PDE1C: variants seen among roughly 807,000 people sequenced by gnomAD.
The protein encoded by PDE1C is phosphodiesterase 1C, also known as dual specificity calcium/calmodulin-dependent 3',5'-cyclic nucleotide phosphodiesterase 1C.
In PDE1C, 62 loss-of-function variants were observed where a neutral mutation model predicts 93.1. That is an observed-to-expected ratio of 0.67 (90% confidence interval 0.54 to 0.82). The LOEUF (loss-of-function observed/expected upper bound fraction) is 0.82, where lower values mean the gene tolerates loss of function less well. Ranked by LOEUF, PDE1C falls within the 40% of genes least tolerant of loss-of-function variation. The pLI is 0.00. For synonymous variants in PDE1C, 325 were observed against 310.1 expected, an observed-to-expected ratio of 1.05 and a Z score of -0.50; for missense variants, 742 against 884.6, an observed-to-expected ratio of 0.84 and a Z score of 2.04.
intron 15 of PDE1C, among the ~76,000 whole-genome samples, chr7:31,814,473 A>G (rs1787974926): frequency 6.6e-6 from 1 of 151,966 alleles, no homozygotes; most frequent in Non-Finnish European, 1.5e-5. Flanking sequence ...GGAATATGAT[A>G]TAAGCTATCA....
chr7:31,864,860 C>T, intron 7 of PDE1C, 82 bp downstream of exon 7: 2 of 1,356,078 alleles, frequency 1.5e-6, no homozygotes, highest in Non-Finnish European at 2.1e-6. Context: ...GTGGCCTCCA[C>T]CTCATCAGAA....
chr7:32,412,159 AG>A (rs1163584107), intron 1 of PDE1C, among the ~76,000 whole-genome samples: 1 of 152,216 alleles, frequency 6.6e-6, no homozygotes, highest in African/African-American at 2.4e-5. Flanking sequence ...AAGCATTGAA[AG>A]CAGACCAAAT....
At chr7:31,984,075 G>A (rs887079558) in intron 2 of PDE1C, among the ~76,000 whole-genome samples, 18 of 144,754 alleles carry the variant, frequency 1.2e-4, no homozygotes, top group African/African-American at 2.6e-4. Flanking sequence ...ACCTGAAGGC[G>A]GTATGATAGA....
chr7:32,182,672 G>A (rs1210899083), intron 2 of PDE1C, among the ~76,000 whole-genome samples: 2 of 152,160 alleles, frequency 1.3e-5, no homozygotes, highest in Non-Finnish European at 2.9e-5. Flanking sequence ...AGCTGTCTAT[G>A]ATAAACCCAC....
chr7:31,903,580 T>C (rs1800242892), intron 2 of PDE1C, among the ~76,000 whole-genome samples: 1 of 152,110 alleles, frequency 6.6e-6, no homozygotes, highest in African/African-American at 2.4e-5. Context: ...ACTTCTTGTA[T>C]AACCTGCCAA....
chr7:31,688,576 CAA>C, the PDE1C span, among the ~76,000 whole-genome samples: 1 of 152,228 alleles, frequency 6.6e-6, no homozygotes, highest in African/African-American at 2.4e-5. Context: ...TTCCTGTTCT[CAA>C]AAGAGAAGGT....
chr7:31,897,999 T>C (rs1285729257), intron 2 of PDE1C, among the ~76,000 whole-genome samples: 2 of 151,350 alleles, frequency 1.3e-5, no homozygotes, highest in East Asian at 1.9e-4. Context: ...ACTTCCTAAG[T>C]AACAGAAGGG....
intron 2 of PDE1C, among the ~76,000 whole-genome samples, chr7:31,988,551 T>A (rs995268): frequency 0.23 from 35,209 of 152,190 alleles, 4,701 homozygotes; most frequent in Admixed American, 0.35. Flanking sequence ...TAATTTTTTT[T>A]AATTTGATTA....
At chr7:32,046,573 T>C (rs1394823456) in intron 2 of PDE1C, among the ~76,000 whole-genome samples, 1 of 152,190 alleles carries the variant, frequency 6.6e-6, no homozygotes, top group African/African-American at 2.4e-5. Context: ...TTATTTCCAG[T>C]ATTTACTGAA....
intron 1 of PDE1C, among the ~76,000 whole-genome samples, chr7:32,342,626 T>C (rs1783779431): frequency 2.0e-5 from 3 of 152,184 alleles, no homozygotes; most frequent in Admixed American, 2.0e-4. Context: ...AGTGATAGTA[T>C]GGTGTAGTGG....
At position 31,897,166 on chromosome 7, in the gene PDE1C, T is replaced by C. The variant is rs186702944; in HGVS notation, c.129-16306A>G. Among the ~76,000 whole-genome samples, 87 of 152,336 alleles carry C rather than the reference T, an allele frequency of 5.7e-4. 1 individual carries two copies. Among genetic ancestry groups the C allele is most frequent in the African/African-American group, 1.9e-3 (81 of 41,580 alleles). ...CCCAGGATTAGAGGGTTTTATTGCATGGGATTTGGCGAGTGCTGCTCTGGA... is the reference window on the plus strand; with the variant it reads ...CCCAGGATTAGAGGGTTTTATTGCACGGGATTTGGCGAGTGCTGCTCTGGA... On this transcript the variant is annotated intron_variant, in intron 2 of 17. Transcript: ENST00000396191.
At chr7:31,921,786 T>C (rs1160864737) in intron 2 of PDE1C, among the ~76,000 whole-genome samples, 2 of 152,248 alleles carry the variant, frequency 1.3e-5, no homozygotes, top group Non-Finnish European at 2.9e-5. Context: ...TTTTATATAA[T>C]GCTTTTACTG....
At chr7:32,230,479 G>C (rs1807616454) in intron 1 of PDE1C, among the ~76,000 whole-genome samples, 1 of 152,026 alleles carries the variant, frequency 6.6e-6, no homozygotes. Context: ...GTATGCCCAA[G>C]TTAGAAGCCT....
intron 1 of PDE1C, among the ~76,000 whole-genome samples, chr7:32,053,499 G>A (rs1033814991): frequency 4.6e-5 from 7 of 152,146 alleles, no homozygotes; most frequent in Non-Finnish European, 1.0e-4. Flanking sequence ...CTGATCTAAG[G>A]TACAACTGGC....
intron 3 of PDE1C, among the ~76,000 whole-genome samples, chr7:32,140,291 A>G (rs1277139147): frequency 6.6e-6 from 1 of 152,186 alleles, no homozygotes; most frequent in African/African-American, 2.4e-5. Flanking sequence ...CAGTGTCAAG[A>G]CTGAAACTTG....
the PDE1C span, among the ~76,000 whole-genome samples, chr7:31,651,466 T>C: frequency 2.0e-5 from 3 of 152,224 alleles, no homozygotes; most frequent in Admixed American, 6.5e-5. Flanking sequence ...GCAATACTTA[T>C]TCTTGGAGAA....
chr7:31,671,016 C>T, the PDE1C span, among the ~76,000 whole-genome samples: 6,950 of 152,194 alleles, frequency 0.046, 510 homozygotes, highest in African/African-American at 0.16. Context: ...CACTCCATCC[C>T]CTTTCCAGCT....
At chr7:32,427,220 T>A (rs529559656) in intron 1 of PDE1C, among the ~76,000 whole-genome samples, 21 of 152,310 alleles carry the variant, frequency 1.4e-4, no homozygotes, top group African/African-American at 4.8e-4. Context: ...CATTGTGTGG[T>A]CAGATTTTCC....
intron 1 of PDE1C, among the ~76,000 whole-genome samples, chr7:32,218,416 T>C (rs1030706396): frequency 2.0e-5 from 3 of 152,054 alleles, no homozygotes; most frequent in Non-Finnish European, 2.9e-5. Flanking sequence ...TCTCCTAGAG[T>C]AATGGGCAAA....
Sources: gnomAD v4.1 joint callset for allele counts (sites outside exome capture counted in the v4.1 genomes callset) on GRCh38, gnomAD v4.1.1 for gene constraint, MANE v1.5 for transcripts, NCBI Gene and HGNC (gene_info 2026-07-23, HGNC 2026-07-21) for gene names.